Variants in ESR1 observed in about 807,000 individuals in gnomAD.
The protein encoded by ESR1 is estrogen receptor 1, also known as estrogen receptor.
ESR1 carries 12 observed loss-of-function variants against 52.7 expected under a neutral mutation model. The ratio of observed to expected loss-of-function variants is 0.23; its 90% CI spans 0.15 to 0.37. The LOEUF is 0.37. Ranked by LOEUF, ESR1 falls within the 10% of genes least tolerant of loss-of-function variation. The pLI is 1.00. For missense variants in ESR1, 584 were observed against 779.7 expected (o/e 0.75, Z 2.99); for synonymous variants, 305 against 316.8 (o/e 0.96, Z 0.39).
At chr6:152,003,502 T>C (rs1234866225) in intron 4 of ESR1, among the ~76,000 whole-genome samples, 2 of 151,950 alleles carry the variant, frequency 1.3e-5, no homozygotes, top group African/African-American at 4.8e-5. Flanking sequence ...GGCAATCATT[T>C]TCCCATGAAA....
intron 2 of ESR1, among the ~76,000 whole-genome samples, chr6:151,869,719 TTTCCAGGACAAATTTCTTTCCTAGAA>T (rs1440024913): frequency 1.3e-5 from 2 of 152,192 alleles, no homozygotes; most frequent in Non-Finnish European, 2.9e-5. Context: ...AAAAAGAAAC[TTTCCAGGACAAATTTCTTTCCTAGAA>T]TTCCTTTTTT....
At position 152,100,279 on chromosome 6, in the gene ESR1, C is replaced by T. The variant is rs1405961146; in HGVS notation, c.*1313C>T. 7.6e-6 allele frequency: 3 copies of T among 392,584 alleles called. No homozygotes were observed. The highest frequency in any genetic ancestry group is 2.1e-5 in the African/African-American group (1 of 48,494). The allele number at this position is 392,584 out of a possible 1,614,324, so 24.3% of individuals were successfully genotyped here. On this transcript the variant is annotated 3_prime_UTR_variant, in exon 8 of 8. Coordinates refer to ENST00000206249, the MANE Select transcript of ESR1 (RefSeq NM_000125.4). ...ACAATTGGCCCAGCACCCTGGGGCA[C>T]GGGAGAAGGGTGGGGACCGTTGCTG...
chr6:151,737,356 A>G (rs1244290404), intron 2 of ESR1, among the ~76,000 whole-genome samples: 1 of 152,206 alleles, frequency 6.6e-6, no homozygotes, highest in Non-Finnish European at 1.5e-5. Context: ...TCCTCAAGAA[A>G]CATTGTTTCA....
intron 4 of ESR1, among the ~76,000 whole-genome samples, chr6:151,995,445 T>G (rs2041398856): frequency 6.6e-6 from 1 of 151,982 alleles, no homozygotes; most frequent in South Asian, 2.1e-4. Context: ...CAAAAGAAAA[T>G]TCTACACAAT....
At chr6:152,005,517 TGG>T (rs2042262593) in intron 4 of ESR1, among the ~76,000 whole-genome samples, 3 of 152,028 alleles carry the variant, frequency 2.0e-5, no homozygotes, top group Non-Finnish European at 4.4e-5. Context: ...ACATTTCTCT[TGG>T]TGTTTTGCAA....
At chr6:152,054,605 A>G (rs1016171341) in intron 5 of ESR1, among the ~76,000 whole-genome samples, 5 of 152,120 alleles carry the variant, frequency 3.3e-5, no homozygotes, top group African/African-American at 1.2e-4. Context: ...CTTCCCTTAC[A>G]CATTATCTCC....
chr6:151,915,963 A>G (rs190686567), intron 3 of ESR1, among the ~76,000 whole-genome samples: 1 of 152,306 alleles, frequency 6.6e-6, no homozygotes, highest in South Asian at 2.1e-4. Flanking sequence ...TTGACATTTG[A>G]TAAACAAGCT....
chr6:151,821,611 G>A (rs1175069342), intron 1 of ESR1, among the ~76,000 whole-genome samples: 1 of 152,154 alleles, frequency 6.6e-6, no homozygotes, highest in Admixed American at 6.5e-5. Flanking sequence ...GATTTCTGAA[G>A]CAGTTGGGTG....
rs908646094 is a variant in ESR1 at position 151,852,828 on chromosome 6, A to G, written c.643+10041A>G. 3.9e-5 allele frequency among the ~76,000 whole-genome samples: 6 copies of G among 152,052 alleles called. 1 individual carries two copies. The highest frequency in any genetic ancestry group is 1.4e-4 in the African/African-American group (6 of 41,392). On this transcript the variant is annotated intron_variant, in intron 2 of 7. Coordinates refer to ENST00000206249, the MANE Select transcript of ESR1 (RefSeq NM_000125.4). ...GGCAGCAGAGTTTTAGTGTGTACACATATGAGCTGTCATGTAATTTTCAAG... is the reference window on the plus strand; with the variant it reads ...GGCAGCAGAGTTTTAGTGTGTACACGTATGAGCTGTCATGTAATTTTCAAG...
At chr6:151,676,995 AAAG>A (rs2115276873) in intron 1 of ESR1, among the ~76,000 whole-genome samples, 1 of 152,296 alleles carries the variant, frequency 6.6e-6, no homozygotes, top group South Asian at 2.1e-4. Context: ...AGGTTTTGGA[AAAG>A]AAGAAAAATT....
chr6:151,899,135 C>G (rs1226224390), intron 3 of ESR1, among the ~76,000 whole-genome samples: 2 of 134,482 alleles, frequency 1.5e-5, no homozygotes, highest in Non-Finnish European at 3.1e-5. Flanking sequence ...GCTGACCCCC[C>G]CGCCTCCCTC....
chr6:151,775,631 A>G (rs963835943), intron 2 of ESR1, among the ~76,000 whole-genome samples: 4 of 152,002 alleles, frequency 2.6e-5, no homozygotes, highest in Admixed American at 6.6e-5. Context: ...CTGTAGTCCC[A>G]GCTACTCGGG....
intron 5 of ESR1, among the ~76,000 whole-genome samples, chr6:152,055,724 G>A (rs2047046538): frequency 1.3e-5 from 2 of 151,934 alleles, no homozygotes; most frequent in African/African-American, 2.4e-5. Flanking sequence ...ACACACTATC[G>A]GTCTCATTTG....
chr6:151,670,852 T>A (rs1258648531), intron 1 of ESR1, among the ~76,000 whole-genome samples: 2 of 141,302 alleles, frequency 1.4e-5, no homozygotes, highest in Non-Finnish European at 3.0e-5. Context: ...CACTCCAATA[T>A]CCGCCTCCCG....
intron 2 of ESR1, among the ~76,000 whole-genome samples, chr6:151,723,684 T>C (rs1378723134): frequency 1.3e-5 from 2 of 151,974 alleles, no homozygotes; most frequent in East Asian, 3.9e-4. Flanking sequence ...GTCTGGCCAA[T>C]ACGGTGAAAC....
chr6:151,930,495 C>A (rs1408864711), intron 3 of ESR1, among the ~76,000 whole-genome samples: 1 of 152,158 alleles, frequency 6.6e-6, no homozygotes, highest in East Asian at 1.9e-4. Flanking sequence ...ACTATAATCA[C>A]CTATACATTG....
chr6:151,871,942 A>T (rs140365726), intron 2 of ESR1, among the ~76,000 whole-genome samples: 17 of 152,332 alleles, frequency 1.1e-4, no homozygotes, highest in African/African-American at 3.8e-4. Flanking sequence ...ATAATACTCC[A>T]CTGTATGGAT....
chr6:151,674,872 A>G (rs139054682), intron 1 of ESR1, among the ~76,000 whole-genome samples: 2 of 152,350 alleles, frequency 1.3e-5, no homozygotes, highest in African/African-American at 4.8e-5. Flanking sequence ...GTGAAAGTTC[A>G]TGGACAAGAG....
At chr6:152,029,473 C>G (rs1266767198) in intron 5 of ESR1, among the ~76,000 whole-genome samples, 1 of 152,176 alleles carries the variant, frequency 6.6e-6, no homozygotes, top group Non-Finnish European at 1.5e-5. Flanking sequence ...ACAACCAAGG[C>G]ACAAGAACTA....
Sources: gnomAD v4.1 joint callset for allele counts (sites outside exome capture counted in the v4.1 genomes callset) on GRCh38, gnomAD v4.1.1 for gene constraint, MANE v1.5 for transcripts, NCBI Gene and HGNC (gene_info 2026-07-23, HGNC 2026-07-21) for gene names.